Variants in DNAH14 observed in about 807,000 individuals in gnomAD.
The protein encoded by DNAH14 is axonemal beta dynein heavy chain 14.
DNAH14 carries 478 observed loss-of-function variants against 520.9 expected under a neutral mutation model. That is an observed-to-expected ratio of 0.92 (90% CI 0.85 to 0.99). DNAH14 has a LOEUF of 0.99. DNAH14 is among the 50% of genes least tolerant of loss of function. The probability of loss-of-function intolerance (pLI) is 0.00; values close to 1 mark genes in which losing one functional copy is unlikely to be tolerated. For missense variants in DNAH14, 4,831 were observed against 5,234.5 expected, an observed-to-expected ratio of 0.92 and a Z score of 2.38; for synonymous variants, 1,581 against 1,757.2, an observed-to-expected ratio of 0.90 and a Z score of 2.51.
chr1:225,325,609 T>G (rs1400416704), intron 64 of DNAH14, among the ~76,000 whole-genome samples: 3 of 152,202 alleles, frequency 2.0e-5, no homozygotes, highest in African/African-American at 4.8e-5. Context: ...ATTATCATTA[T>G]GAGAACTGGA....
intron 8 of DNAH14, among the ~76,000 whole-genome samples, chr1:224,998,826 A>G (rs2063561126): frequency 6.6e-6 from 1 of 152,146 alleles, no homozygotes; most frequent in Non-Finnish European, 1.5e-5. Flanking sequence ...TCTTCTGCCT[A>G]GTTGTTCTGT....
At chr1:225,222,756 C>A (rs1216977450) in intron 41 of DNAH14, among the ~76,000 whole-genome samples, 1 of 152,184 alleles carries the variant, frequency 6.6e-6, no homozygotes, top group African/African-American at 2.4e-5. Flanking sequence ...CCTCTCACAG[C>A]CGCTTAAAGC....
chr1:225,140,732 G>T, intron 27 of DNAH14, 36 bp from the exon 28 acceptor site: 13 of 1,319,768 alleles, frequency 9.9e-6, no homozygotes, highest in Admixed American at 4.6e-5. Context: ...TATATATAGA[G>T]AGAGATATAT....
chr1:225,285,792 G>A lies in DNAH14; in HGVS notation c.8272-4093G>A, dbSNP rs569837393. On this transcript the variant is annotated intron_variant, in intron 54 of 85. Coordinates refer to ENST00000682510, the MANE Select transcript of DNAH14 (RefSeq NM_001367479.1). ...GGATCACTTAAGCCCAGGAATTCAC[G>A]GCTGCAGTAAGCTGTGATAGCACCA... Among the ~76,000 whole-genome samples, 19 of 149,688 alleles carry A rather than the reference G, an allele frequency of 1.3e-4. No individual in the cohort carries two copies. The South Asian group carries it at 1.9e-3, about 15-fold the overall frequency.
chr1:225,049,501 A>G (rs2068300157), intron 15 of DNAH14, among the ~76,000 whole-genome samples: 2 of 152,012 alleles, frequency 1.3e-5, no homozygotes, highest in Admixed American at 1.3e-4. Context: ...TCTGTGCCTT[A>G]TCTTTTCATT....
intron 27 of DNAH14, among the ~76,000 whole-genome samples, chr1:225,126,028 A>G (rs1002881833): frequency 6.6e-6 from 1 of 152,164 alleles, no homozygotes; most frequent in Admixed American, 6.6e-5. Context: ...AAGATAAGAC[A>G]CAAACAGCAT....
In DNAH14 at chr1:225,080,368, T is replaced by C. The variant is rs548104179; in HGVS notation, c.2767-11T>C. 2.0e-4 allele frequency: 305 copies of C among 1,508,884 alleles called. No homozygotes were observed. The highest frequency in any genetic ancestry group is 2.6e-4 in the Non-Finnish European group (292 of 1,128,718). The allele number at this position is 1,508,884 out of a possible 1,614,324, so 93.5% of individuals were successfully genotyped here. A position where few individuals can be genotyped will look rare whatever the true frequency, so the allele number is the denominator to read the frequency against. ...TGATTTCTCTTAGAAAGTCCTACTC[T>C]TATTTTTTAGATAAGAACTCCTCTT... is the stretch of plus-strand genomic sequence containing the variant. On this transcript the variant is annotated splice_polypyrimidine_tract_variant and intron_variant, in intron 18 of 85. Transcript: ENST00000682510.
intron 17 of DNAH14, among the ~76,000 whole-genome samples, chr1:225,059,252 G>GT (rs2069628598): frequency 6.6e-6 from 1 of 152,158 alleles, no homozygotes; most frequent in African/African-American, 2.4e-5. Context: ...AGCTCTTCTT[G>GT]TTGAATTGAT....
chr1:225,143,092 C>T (rs1220323494), intron 28 of DNAH14, among the ~76,000 whole-genome samples: 1 of 151,834 alleles, frequency 6.6e-6, no homozygotes, highest in East Asian at 1.9e-4. Context: ...ATTAGATATT[C>T]CTTTTGGTCT....
rs574656945 is a variant in DNAH14, at chr1:225,380,194, T to C, written c.12752T>C (p.Ile4251Thr). ...AGTAAGGATGAACTGGTGATGGAAA[T>C]TCTATCCGACTTGCTAAAGCGGCTG... ...EQSKDELVME[I>T]LSDLLKRLPL... The change falls in exon 80 of 86, where the codon ATT becomes ACT. Residue 4251 changes from isoleucine (I) to threonine (T), a missense_variant. By Grantham distance (89) the Ile-to-Thr change is moderately conservative. Transcript: ENST00000682510. The C allele has an allele frequency of 9.0e-5, 140 of 1,551,498 alleles. No individual in the cohort carries two copies. The highest frequency in any genetic ancestry group is 1.1e-4 in the Non-Finnish European group (129 of 1,146,962).
chr1:225,280,150 GA>G (rs1209918066), intron 54 of DNAH14, among the ~76,000 whole-genome samples: 4 of 150,458 alleles, frequency 2.7e-5, no homozygotes, highest in East Asian at 1.9e-4. Context: ...ACAAGAGAAA[GA>G]AAAAAAATGA....
chr1:225,124,971 G>A (rs969511718), intron 27 of DNAH14, among the ~76,000 whole-genome samples: 6 of 152,128 alleles, frequency 3.9e-5, no homozygotes, highest in African/African-American at 1.4e-4. Context: ...TAATCTCCTT[G>A]TACATCTCCA....
At chr1:225,380,363 C>T in intron 80 of DNAH14, 41 bp downstream of exon 80, 1 of 1,516,300 alleles carries the variant, frequency 6.6e-7, no homozygotes, top group African/African-American at 1.4e-5. Flanking sequence ...ACCTCACTCT[C>T]CTCAAGAAAG....
chr1:225,005,600 A>G (rs950283691), intron 9 of DNAH14, among the ~76,000 whole-genome samples: 44 of 152,314 alleles, frequency 2.9e-4, no homozygotes, highest in African/African-American at 1.0e-3. Context: ...GACCAGGAGA[A>G]TGGAAACTTA....
In DNAH14 at chr1:225,206,198, A is replaced by G. The variant is rs544306881; in HGVS notation, c.6186+19A>G. On this transcript the variant is annotated intron_variant, in intron 40 of 85. Coordinates refer to ENST00000682510, the MANE Select transcript of DNAH14 (RefSeq NM_001367479.1). ...CTATATGGTAAGCTTTCAAAAACAA[A>G]TGTTTTAACAAAGCAAAAATGTTGT... is the stretch of plus-strand genomic sequence containing the variant. The G allele has an allele frequency of 2.6e-4, 397 of 1,519,522 alleles. No individual in the cohort carries two copies. Among genetic ancestry groups the G allele is most frequent in the Non-Finnish European group, 3.3e-4 (373 of 1,128,022 alleles). 94.1% of individuals were successfully genotyped at this position (1,519,522 alleles called of 1,614,324 possible). A position where few individuals can be genotyped will look rare whatever the true frequency, so the allele number is the denominator to read the frequency against.
chr1:225,140,041 CTCTG>C (rs1418574573), intron 27 of DNAH14, among the ~76,000 whole-genome samples: 5 of 152,244 alleles, frequency 3.3e-5, no homozygotes, highest in South Asian at 2.1e-4. Flanking sequence ...AAAAATCTCA[CTCTG>C]TCTGTTAACT....
chr1:225,389,696 T>A, intron 82 of DNAH14, 38 bp from the exon 83 acceptor site: 1 of 1,547,404 alleles, frequency 6.5e-7, no homozygotes, highest in Middle Eastern at 1.7e-4. Context: ...GCAATTATTA[T>A]GCCCTTAACC....
intron 65 of DNAH14, among the ~76,000 whole-genome samples, chr1:225,332,804 G>A (rs538552682): frequency 5.0e-4 from 74 of 149,360 alleles, no homozygotes; most frequent in Non-Finnish European, 9.6e-4. Flanking sequence ...AGACCAACCG[G>A]GCAATGTAGC....
At chr1:225,203,705 A>C (rs1006800453) in intron 38 of DNAH14, among the ~76,000 whole-genome samples, 1 of 152,208 alleles carries the variant, frequency 6.6e-6, no homozygotes, top group Admixed American at 6.5e-5. Context: ...AAAGTGAAAA[A>C]TTCTGGGCTT....
Sources: allele counts gnomAD v4.1 joint callset (sites outside exome capture counted in the v4.1 genomes callset), GRCh38; gene constraint gnomAD v4.1.1; transcripts MANE v1.5; gene names NCBI Gene and HGNC (gene_info 2026-07-23, HGNC 2026-07-21).